TMEM178B: variants seen among roughly 807,000 people sequenced by gnomAD.
TMEM178B encodes transmembrane protein 178B.
TMEM178B carries 5 observed loss-of-function variants against 31.0 expected under a neutral mutation model. That is an observed-to-expected ratio of 0.16 (90% CI 0.08 to 0.34). The LOEUF is 0.34. TMEM178B is among the 10% of genes least tolerant of loss of function. The pLI, the probability that TMEM178B is intolerant of heterozygous loss-of-function variation, is 1.00. For synonymous variants in TMEM178B, 164 were observed against 164.0 expected (o/e 1.00, Z 0.00); for missense variants, 275 against 400.3 (o/e 0.69, Z 2.67).
chr7:141,367,313 G>T (rs1800026990), intron 2 of TMEM178B, among the ~76,000 whole-genome samples: 1 of 151,808 alleles, frequency 6.6e-6, no homozygotes, highest in East Asian at 1.9e-4. Flanking sequence ...CTGTTACCCA[G>T]GCTTGAGTGC....
chr7:141,110,649 C>T (rs555400351), intron 1 of TMEM178B, among the ~76,000 whole-genome samples: 18 of 152,102 alleles, frequency 1.2e-4, no homozygotes, highest in Non-Finnish European at 2.2e-4. Flanking sequence ...CTTGACTGAG[C>T]GAGTAACTAA....
At chr7:141,295,366 G>A (rs2116430058) in intron 2 of TMEM178B, among the ~76,000 whole-genome samples, 1 of 152,332 alleles carries the variant, frequency 6.6e-6, no homozygotes, top group East Asian at 1.9e-4. Context: ...TGTGAGAGGA[G>A]GCTACTGCAC....
rs116905703 is a variant in TMEM178B at position 141,450,601 on chromosome 7, G to A, written c.634+12856G>A. Among the ~76,000 whole-genome samples the A allele has an allele frequency of 2.7e-3, 405 of 152,236 alleles. 1 individual carries two copies. Among genetic ancestry groups the A allele is most frequent in the South Asian group, 9.2e-3 (44 of 4,808 alleles). On this transcript the variant is annotated intron_variant, in intron 3 of 3. Transcript: ENST00000565468. ...GGTCACCCAAAAAGGGGGGAAAGGGGGCCATTTATGTTTTGGGTAACACCT... is the reference window on the plus strand; with the variant it reads ...GGTCACCCAAAAAGGGGGGAAAGGGAGCCATTTATGTTTTGGGTAACACCT...
chr7:141,151,723 G>A (rs1246677316), intron 1 of TMEM178B, among the ~76,000 whole-genome samples: 1 of 152,220 alleles, frequency 6.6e-6, no homozygotes, highest in Non-Finnish European at 1.5e-5. Context: ...GTGTGATCTT[G>A]AAAGACACCC....
chr7:141,108,264 AAT>A lies in TMEM178B; in HGVS notation c.382+33574_382+33575del, dbSNP rs1795177656. 2.0e-5 allele frequency among the ~76,000 whole-genome samples: 3 copies of A among 152,204 alleles called. No homozygotes were observed. In the South Asian group the frequency reaches 6.2e-4, roughly 32 times the overall value. ...GAGAAGGATTTTCAGAGATGGGAAA[AAT>A]AACAGCATATTTGAATGATAATGGC... On this transcript the variant is annotated intron_variant, in intron 1 of 3. Coordinates refer to ENST00000565468, the MANE Select transcript of TMEM178B (RefSeq NM_001195278.2).
chr7:141,367,831 G>T (rs1800037437), intron 2 of TMEM178B, among the ~76,000 whole-genome samples: 1 of 152,106 alleles, frequency 6.6e-6, no homozygotes, highest in Non-Finnish European at 1.5e-5. Context: ...TTAACCAAGG[G>T]AAGGTGGAGA....
chr7:141,195,178 A>G (rs1200823221), intron 1 of TMEM178B, among the ~76,000 whole-genome samples: 1 of 152,172 alleles, frequency 6.6e-6, no homozygotes, highest in Non-Finnish European at 1.5e-5. Context: ...GTTTATGCAC[A>G]TTTCTGCAGC....
At chr7:141,159,360 C>G (rs991337119) in intron 1 of TMEM178B, among the ~76,000 whole-genome samples, 1 of 152,266 alleles carries the variant, frequency 6.6e-6, no homozygotes, top group South Asian at 2.1e-4. Context: ...AGTTTAAAAT[C>G]CCAGCTCCTC....
chr7:141,399,711 T>G (rs751693046), intron 2 of TMEM178B, among the ~76,000 whole-genome samples: 22 of 152,202 alleles, frequency 1.4e-4, no homozygotes, highest in Admixed American at 9.2e-4. Flanking sequence ...CTTCGTTGTT[T>G]GCACCTTAAA....
the TMEM178B span, among the ~76,000 whole-genome samples, chr7:141,509,709 T>A: frequency 1.3e-5 from 2 of 151,918 alleles, no homozygotes; most frequent in Admixed American, 6.6e-5. Flanking sequence ...AAGGGAAAGG[T>A]ACACTGAGCA....
At chr7:141,245,397 G>T (rs987200591) in intron 2 of TMEM178B, among the ~76,000 whole-genome samples, 2 of 151,854 alleles carry the variant, frequency 1.3e-5, no homozygotes, top group African/African-American at 2.4e-5. Context: ...GTGGATGGAG[G>T]TTTGTTCATT....
intron 2 of TMEM178B, among the ~76,000 whole-genome samples, chr7:141,382,702 T>C (rs1800340937): frequency 6.6e-6 from 1 of 152,198 alleles, no homozygotes; most frequent in African/African-American, 2.4e-5. Context: ...AAATAATCAC[T>C]TTATGCATGT....
chr7:141,111,508 G>A (rs1345806667), intron 1 of TMEM178B, among the ~76,000 whole-genome samples: 2 of 152,192 alleles, frequency 1.3e-5, no homozygotes, highest in African/African-American at 2.4e-5. Flanking sequence ...TATCTAACAT[G>A]TTAATTTGCC....
chr7:141,345,951 T>C (rs538631570), intron 2 of TMEM178B, among the ~76,000 whole-genome samples: 1 of 152,164 alleles, frequency 6.6e-6, no homozygotes, highest in Admixed American at 6.5e-5. Flanking sequence ...ATGATTCAGA[T>C]CTTATCTATG....
rs1802359376 is a variant in TMEM178B at position 141,476,080 on chromosome 7, A to C, written c.*5294A>C. 6.6e-6 allele frequency: 1 copy of C among 152,194 alleles called. No individual in the cohort carries two copies. The highest frequency in any genetic ancestry group is 6.5e-5 in the Admixed American group (1 of 15,288). 9.4% of individuals were successfully genotyped at this position (152,194 alleles called of 1,614,324 possible). On this transcript the variant is annotated 3_prime_UTR_variant, in exon 4 of 4. Coordinates refer to ENST00000565468, the MANE Select transcript of TMEM178B (RefSeq NM_001195278.2). ...GTGTCATATGAGTTATGTATGTTCTAATTATCCCTCAGAAGACCCCCCGCT... is the reference window on the plus strand; with the variant it reads ...GTGTCATATGAGTTATGTATGTTCTCATTATCCCTCAGAAGACCCCCCGCT...
At chr7:141,282,896 G>C (rs891698878) in intron 2 of TMEM178B, among the ~76,000 whole-genome samples, 3 of 152,162 alleles carry the variant, frequency 2.0e-5, no homozygotes, top group African/African-American at 7.2e-5. Flanking sequence ...AAAAATTCTA[G>C]GTATAATGAT....
chr7:141,420,018 T>C (rs1052194774), intron 2 of TMEM178B, among the ~76,000 whole-genome samples: 5 of 152,210 alleles, frequency 3.3e-5, no homozygotes, highest in African/African-American at 1.2e-4. Flanking sequence ...TGGAATACTC[T>C]TCCCCCAGAC....
At chr7:141,210,351 C>T (rs1359173421) in intron 1 of TMEM178B, among the ~76,000 whole-genome samples, 2 of 152,100 alleles carry the variant, frequency 1.3e-5, no homozygotes, top group Non-Finnish European at 2.9e-5. Context: ...GTAATCCCAG[C>T]TACTTGGGGG....
chr7:141,480,231 A>G lies in TMEM178B; in HGVS notation c.*9445A>G, dbSNP rs559617062. ...TTGCAATTTTCTTTTTCGAATTGGC[A>G]GAAATATTGTATTTCCATTGATTGA... On this transcript the variant is annotated 3_prime_UTR_variant, in exon 4 of 4. Transcript: ENST00000565468. The G allele has an allele frequency of 6.6e-6, 1 of 152,374 alleles. No homozygotes were observed. Among genetic ancestry groups the G allele is most frequent in the South Asian group, 2.1e-4 (1 of 4,830 alleles). 9.4% of individuals were successfully genotyped at this position (152,374 alleles called of 1,614,324 possible).
Sources: gnomAD v4.1 joint callset for allele counts (sites outside exome capture counted in the v4.1 genomes callset) on GRCh38, gnomAD v4.1.1 for gene constraint, MANE v1.5 for transcripts, NCBI Gene and HGNC (gene_info 2026-07-23, HGNC 2026-07-21) for gene names.